TCERG1L: variants seen among roughly 807,000 people sequenced by gnomAD.
TCERG1L encodes the protein transcription elongation regulator 1-like protein.
Under a neutral mutation model 56.3 loss-of-function variants are expected in TCERG1L, and 37 were observed. That is an observed-to-expected ratio of 0.66 (90% CI 0.51 to 0.87). The LOEUF is 0.87. Among genes scored for constraint, TCERG1L ranks in the 40% least tolerant of loss-of-function variants. TCERG1L has a pLI of 0.00. For synonymous variants in TCERG1L, 324 were observed against 326.3 expected (o/e 0.99, Z 0.08); for missense variants, 799 against 774.2 (o/e 1.03, Z -0.38).
chr10:131,130,083 T>C (rs1411619410), intron 8 of TCERG1L, among the ~76,000 whole-genome samples: 1 of 143,664 alleles, frequency 7.0e-6, no homozygotes. Context: ...GACTGGGTGA[T>C]TTATAAAAAA....
At chr10:131,164,167 A>T (rs2944527) in intron 5 of TCERG1L, 2 of 148,146 alleles carry the variant, frequency 1.4e-5, no homozygotes, top group East Asian at 2.0e-4. Flanking sequence ...AAAAAAGAAA[A>T]TTTATCACCT....
At chr10:131,213,509 C>A (rs928313122) in intron 4 of TCERG1L, among the ~76,000 whole-genome samples, 1 of 152,222 alleles carries the variant, frequency 6.6e-6, no homozygotes, top group African/African-American at 2.4e-5. Flanking sequence ...TCAAGACACC[C>A]CACAGCCTCC....
intron 4 of TCERG1L, among the ~76,000 whole-genome samples, chr10:131,237,909 C>T (rs191484345): frequency 2.0e-5 from 3 of 152,350 alleles, no homozygotes; most frequent in East Asian, 1.9e-4. Context: ...GTGCTCCTTG[C>T]TTCGGCGTTT....
intron 4 of TCERG1L, among the ~76,000 whole-genome samples, chr10:131,182,296 C>T (rs1321380541): frequency 4.6e-5 from 7 of 152,304 alleles, no homozygotes; most frequent in African/African-American, 7.2e-5. Context: ...GAGGAAAAAA[C>T]GCACATTAAA....
intron 3 of TCERG1L, among the ~76,000 whole-genome samples, chr10:131,289,164 A>C (rs922152476): frequency 6.6e-6 from 1 of 151,718 alleles, no homozygotes; most frequent in African/African-American, 2.4e-5. Flanking sequence ...TTTTTAATCA[A>C]GCATCGCCTT....
intron 7 of TCERG1L, 22 bp from the exon 8 acceptor site, chr10:131,134,470 A>G (rs776113121): frequency 2.5e-6 from 4 of 1,573,306 alleles, no homozygotes; most frequent in Non-Finnish European, 3.5e-6. Context: ...TCAGATGAAC[A>G]GGGTTAGAGT....
At chr10:131,119,925 G>A (rs1183572389) in intron 8 of TCERG1L, among the ~76,000 whole-genome samples, 2 of 152,158 alleles carry the variant, frequency 1.3e-5, no homozygotes, top group Admixed American at 6.5e-5. Context: ...CAGGTCCAAT[G>A]TATAGGTTGA....
At chr10:131,136,840 C>A (rs528286446) in intron 7 of TCERG1L, among the ~76,000 whole-genome samples, 1 of 151,962 alleles carries the variant, frequency 6.6e-6, no homozygotes, top group South Asian at 2.1e-4. Context: ...CCTGCTCTTC[C>A]CATTCAAACT....
At chr10:131,120,613 C>T (rs74391260) in intron 8 of TCERG1L, among the ~76,000 whole-genome samples, 10,659 of 152,324 alleles carry the variant, frequency 0.07, 725 homozygotes, top group East Asian at 0.36. Context: ...CCCATTCCCT[C>T]ATAGGCTGAC....
intron 3 of TCERG1L, among the ~76,000 whole-genome samples, chr10:131,281,366 AC>A (rs1414795089): frequency 1.3e-5 from 2 of 152,090 alleles, no homozygotes; most frequent in African/African-American, 4.8e-5. Flanking sequence ...ATGCACATGG[AC>A]TAATTAGATC....
chr10:131,206,672 G>A (rs1342215390), intron 4 of TCERG1L, among the ~76,000 whole-genome samples: 1 of 152,172 alleles, frequency 6.6e-6, no homozygotes, highest in African/African-American at 2.4e-5. Flanking sequence ...GCATCGTGAG[G>A]GGTGCAGGGT....
intron 4 of TCERG1L, among the ~76,000 whole-genome samples, chr10:131,198,612 G>A (rs977594914): frequency 1.4e-4 from 22 of 152,334 alleles, no homozygotes; most frequent in African/African-American, 4.1e-4. Flanking sequence ...CCCATGCAGC[G>A]GTGCTGGAGC....
At chr10:131,257,397 T>C (rs540600252) in intron 4 of TCERG1L, among the ~76,000 whole-genome samples, 89 of 152,238 alleles carry the variant, frequency 5.8e-4, no homozygotes, top group Non-Finnish European at 1.1e-3. Flanking sequence ...ACGGGCTCTT[T>C]AAGTATTATG....
At chr10:131,129,876 G>C (rs1325800345) in intron 8 of TCERG1L, among the ~76,000 whole-genome samples, 4 of 152,100 alleles carry the variant, frequency 2.6e-5, no homozygotes, top group African/African-American at 4.8e-5. Context: ...AGGAAGCAAG[G>C]CCTGTTTTCC....
intron 4 of TCERG1L, among the ~76,000 whole-genome samples, chr10:131,243,845 C>T (rs1310942843): frequency 6.6e-6 from 1 of 152,214 alleles, no homozygotes; most frequent in Non-Finnish European, 1.5e-5. Context: ...ATAACAAAAT[C>T]ATGAGATAGG....
At chr10:131,283,093 C>T (rs942385625) in intron 3 of TCERG1L, among the ~76,000 whole-genome samples, 5 of 152,200 alleles carry the variant, frequency 3.3e-5, no homozygotes, top group African/African-American at 4.8e-5. Context: ...GCTAAGTGCA[C>T]GTAGGCTACA....
chr10:131,177,168 G>A (rs1262428183), intron 4 of TCERG1L, among the ~76,000 whole-genome samples: 1 of 12,834 alleles, frequency 7.8e-5, no homozygotes, highest in Non-Finnish European at 1.8e-4. Context: ...AGAGACACAT[G>A]GACACACACA....
intron 4 of TCERG1L, among the ~76,000 whole-genome samples, chr10:131,190,814 A>C (rs552356272): frequency 6.9e-6 from 1 of 144,270 alleles, no homozygotes; most frequent in South Asian, 2.1e-4. Context: ...GAACAAGATA[A>C]GGATGCCTAG....
chr10:131,221,747 G>A (rs1016649139), intron 4 of TCERG1L, among the ~76,000 whole-genome samples: 8 of 152,200 alleles, frequency 5.3e-5, no homozygotes, highest in South Asian at 2.1e-4. Flanking sequence ...AGAGCACGTC[G>A]TAATCACACG....
Sources: allele counts gnomAD v4.1 joint callset (sites outside exome capture counted in the v4.1 genomes callset), GRCh38; gene constraint gnomAD v4.1.1; transcripts MANE v1.5; gene names NCBI Gene and HGNC (gene_info 2026-07-23, HGNC 2026-07-21).